GLRA3: variants seen among roughly 807,000 people sequenced by gnomAD.
The protein encoded by GLRA3 is glycine receptor alpha 3.
GLRA3 carries 44 observed loss-of-function variants against 60.4 expected under a neutral mutation model. That is an observed-to-expected ratio of 0.73 (90% CI 0.57 to 0.94). The LOEUF is 0.94. Ranked by LOEUF, GLRA3 falls within the 40% of genes least tolerant of loss-of-function variation. The pLI is 0.00. For missense variants in GLRA3, 508 were observed against 564.6 expected, an observed-to-expected ratio of 0.90 and a Z score of 1.02; for synonymous variants, 223 against 192.9, an observed-to-expected ratio of 1.16 and a Z score of -1.29.
intron 5 of GLRA3, among the ~76,000 whole-genome samples, chr4:174,684,878 G>A (rs1015610148): frequency 4.6e-5 from 7 of 152,022 alleles, no homozygotes; most frequent in African/African-American, 1.4e-4. Context: ...GCGTGGTGGT[G>A]GGCACCTCTA....
intron 2 of GLRA3, among the ~76,000 whole-genome samples, chr4:174,768,602 A>T (rs1738247333): frequency 6.6e-6 from 1 of 152,122 alleles, no homozygotes; most frequent in Non-Finnish European, 1.5e-5. Context: ...AAATTGGTAA[A>T]TTGTTGTAAG....
intron 4 of GLRA3, among the ~76,000 whole-genome samples, chr4:174,721,865 GTATA>G (rs1156471560): frequency 1.0e-5 from 1 of 97,710 alleles, no homozygotes; most frequent in Admixed American, 9.9e-5. Flanking sequence ...ATATGTGTGT[GTATA>G]TGTGTGTGTA....
At chr4:174,766,900 G>A (rs924011945) in intron 3 of GLRA3, 63 bp downstream of exon 3, 4 of 778,348 alleles carry the variant, frequency 5.1e-6, no homozygotes, top group Non-Finnish European at 8.7e-6. Flanking sequence ...TACATAAAAT[G>A]TTGCCATTAA....
intron 1 of GLRA3, among the ~76,000 whole-genome samples, chr4:174,828,490 AT>A (rs542870985): frequency 2.4e-4 from 36 of 151,994 alleles, no homozygotes; most frequent in East Asian, 1.4e-3. Context: ...TTTTAAAATA[AT>A]TTTTTTTTCT....
intron 2 of GLRA3, among the ~76,000 whole-genome samples, chr4:174,779,581 T>C (rs1232854554): frequency 2.6e-5 from 4 of 152,004 alleles, no homozygotes; most frequent in Non-Finnish European, 5.9e-5. Flanking sequence ...TTTAGAAGAA[T>C]GTATAACTAG....
chr4:174,800,295 T>C (rs181162755), intron 1 of GLRA3, among the ~76,000 whole-genome samples: 1 of 152,114 alleles, frequency 6.6e-6, no homozygotes, highest in Admixed American at 6.5e-5. Flanking sequence ...TTTCATAGAT[T>C]TTATATGGAC....
intron 5 of GLRA3, among the ~76,000 whole-genome samples, chr4:174,689,798 G>A (rs1442312261): frequency 9.4e-6 from 1 of 106,608 alleles, no homozygotes; most frequent in Non-Finnish European, 1.9e-5. Flanking sequence ...AAGACCTAAT[G>A]GTATGCTGTC....
chr4:174,648,890 C>T (rs1313478437), intron 9 of GLRA3, among the ~76,000 whole-genome samples: 2 of 152,060 alleles, frequency 1.3e-5, no homozygotes, highest in African/African-American at 4.8e-5. Context: ...GAACTATTTC[C>T]CAGCAGATTA....
intron 1 of GLRA3, among the ~76,000 whole-genome samples, chr4:174,801,000 G>T (rs950584540): frequency 2.6e-5 from 4 of 151,992 alleles, no homozygotes; most frequent in African/African-American, 9.7e-5. Context: ...AGATGATTTT[G>T]TCCAACTGTA....
At chr4:174,738,713 G>A (rs1015078719) in intron 3 of GLRA3, among the ~76,000 whole-genome samples, 1 of 152,018 alleles carries the variant, frequency 6.6e-6, no homozygotes, top group African/African-American at 2.4e-5. Context: ...ATTTATACTC[G>A]AATACTTTCA....
Position 174,701,837 on chromosome 4 carries a change from G to T in GLRA3, c.574+13651C>A, listed in dbSNP as rs1216983328. 2.6e-5 allele frequency among the ~76,000 whole-genome samples: 4 copies of T among 152,182 alleles called. No individual in the cohort carries two copies. The East Asian group carries it at 7.7e-4, about 29-fold the overall frequency. ...ACTAAAATTAGAAGAGGAGCCTCAA[G>T]ATGTCACCAAATTGCTACAATCTCA... On this transcript the variant is annotated intron_variant, in intron 5 of 9. Transcript: ENST00000274093.
At chr4:174,700,083 T>C (rs996166532) in intron 5 of GLRA3, among the ~76,000 whole-genome samples, 1 of 152,166 alleles carries the variant, frequency 6.6e-6, no homozygotes, top group African/African-American at 2.4e-5. Context: ...ATTAAGGCTA[T>C]TTTCTAATGG....
intron 1 of GLRA3, among the ~76,000 whole-genome samples, chr4:174,810,031 G>A (rs1740199088): frequency 6.6e-6 from 1 of 152,094 alleles, no homozygotes; most frequent in Non-Finnish European, 1.5e-5. Context: ...TCTTCAAATA[G>A]GTTTTGAAAA....
chr4:174,739,411 A>T (rs1736923230), intron 3 of GLRA3, among the ~76,000 whole-genome samples: 1 of 146,208 alleles, frequency 6.8e-6, no homozygotes, highest in Admixed American at 6.7e-5. Context: ...AAATTCCTGA[A>T]AAATTCCACT....
chr4:174,827,071 A>G (rs994224645), intron 1 of GLRA3, among the ~76,000 whole-genome samples: 2 of 152,028 alleles, frequency 1.3e-5, no homozygotes, highest in African/African-American at 4.8e-5. Flanking sequence ...TAAGTTATGA[A>G]GTAAACTTTT....
At chr4:174,705,005 T>C (rs1193715839) in intron 5 of GLRA3, among the ~76,000 whole-genome samples, 1 of 143,742 alleles carries the variant, frequency 7.0e-6, no homozygotes, top group Non-Finnish European at 1.5e-5. Flanking sequence ...GTTTGGGAGA[T>C]TGCTTGTACA....
Position 174,642,720 on chromosome 4 carries a change from T to A in GLRA3, c.*1066A>T. 1.4e-6 allele frequency: 1 copy of A among 723,704 alleles called. No individual in the cohort carries two copies. Among genetic ancestry groups the A allele is most frequent in the Non-Finnish European group, 1.7e-6 (1 of 591,670 alleles). 44.8% of individuals were successfully genotyped at this position (723,704 alleles called of 1,614,324 possible). A position where few individuals can be genotyped will look rare whatever the true frequency, so the allele number is the denominator to read the frequency against. On this transcript the variant is annotated 3_prime_UTR_variant, in exon 10 of 10. Transcript: ENST00000274093. ...ATAGAAATGACTTACTTATATCATTTAAAATTAAAACTTTCCCTACTTATA... is the reference window on the plus strand; with the variant it reads ...ATAGAAATGACTTACTTATATCATTAAAAATTAAAACTTTCCCTACTTATA...
intron 3 of GLRA3, among the ~76,000 whole-genome samples, chr4:174,755,825 A>G (rs1226594231): frequency 6.6e-6 from 1 of 152,132 alleles, no homozygotes; most frequent in African/African-American, 2.4e-5. Context: ...TAGAAGATAA[A>G]CATTAATTAT....
At chr4:174,780,906 G>A (rs1280402324) in intron 2 of GLRA3, among the ~76,000 whole-genome samples, 16 of 152,188 alleles carry the variant, frequency 1.1e-4, no homozygotes, top group East Asian at 3.9e-4. Context: ...ACGGATCAAC[G>A]AGACAGAAAG....
Sources: gnomAD v4.1 joint callset for allele counts (sites outside exome capture counted in the v4.1 genomes callset) on GRCh38, gnomAD v4.1.1 for gene constraint, MANE v1.5 for transcripts, NCBI Gene and HGNC (gene_info 2026-07-23, HGNC 2026-07-21) for gene names.